The following MLLT10 variants were observed in gnomAD, a reference collection of about 807,000 sequenced individuals.
MLLT10 encodes the protein protein AF-10.
Under a neutral mutation model 129.1 loss-of-function variants are expected in MLLT10, and 30 were observed. The ratio of observed to expected loss-of-function variants is 0.23; its 90% confidence interval spans 0.17 to 0.32. MLLT10 has a LOEUF of 0.32. MLLT10 is among the 10% of genes least tolerant of loss of function. MLLT10 has a pLI of 1.00. For missense variants in MLLT10, 1,119 were observed against 1,268.3 expected, an observed-to-expected ratio of 0.88 and a Z score of 1.79; for synonymous variants, 490 against 446.4, an observed-to-expected ratio of 1.10 and a Z score of -1.23.
intron 4 of MLLT10, among the ~76,000 whole-genome samples, chr10:21,594,980 G>C (rs958305551): frequency 6.6e-6 from 1 of 151,914 alleles, no homozygotes; most frequent in Non-Finnish European, 1.5e-5. Flanking sequence ...AAATTTTGTC[G>C]TAAGTATTAA....
intron 10 of MLLT10, chr10:21,671,004 C>G (rs1478180184): frequency 3.9e-6 from 1 of 258,006 alleles, no homozygotes; most frequent in African/African-American, 2.3e-5. Context: ...AAAGCTGGAG[C>G]TTTGCTTTGA....
chr10:21,597,278 T>G lies in MLLT10; in HGVS notation c.405+1838T>G, dbSNP rs114501815. On this transcript the variant is annotated intron_variant, in intron 5 of 22. Transcript: ENST00000307729. Reference sequence around the variant, plus strand: ...AATTAACAGCGATACATTATTACTCTCTGATCTTTGGAACCCATTCATGTT... The same window carrying G: ...AATTAACAGCGATACATTATTACTCGCTGATCTTTGGAACCCATTCATGTT... Among the ~76,000 whole-genome samples, 648 of 152,368 alleles carry G rather than the reference T, an allele frequency of 4.3e-3. 6 individuals carry two copies. Among genetic ancestry groups the G allele is most frequent in the African/African-American group, 0.015 (607 of 41,594 alleles).
intron 3 of MLLT10, among the ~76,000 whole-genome samples, chr10:21,547,028 C>T (rs977432248): frequency 6.6e-6 from 1 of 151,908 alleles, no homozygotes; most frequent in African/African-American, 2.4e-5. Context: ...CGGCCCTAAT[C>T]CTGGCTAATT....
At chr10:21,724,616 T>A (rs952125200) in intron 14 of MLLT10, among the ~76,000 whole-genome samples, 1 of 152,270 alleles carries the variant, frequency 6.6e-6, no homozygotes, top group African/African-American at 2.4e-5. Flanking sequence ...AATTCTACTT[T>A]AACATTTGTG....
chr10:21,543,019 C>T (rs1476542600), intron 3 of MLLT10, among the ~76,000 whole-genome samples: 2 of 151,222 alleles, frequency 1.3e-5, no homozygotes, highest in Non-Finnish European at 2.9e-5. Context: ...AGTGCAATGG[C>T]GCGATCTCGG....
At chr10:21,622,279 T>C (rs1048343089) in intron 8 of MLLT10, among the ~76,000 whole-genome samples, 1 of 147,988 alleles carries the variant, frequency 6.8e-6, no homozygotes, top group African/African-American at 2.5e-5. Flanking sequence ...TCCCTCAGCC[T>C]CCTGAGTAGC....
intron 14 of MLLT10, among the ~76,000 whole-genome samples, chr10:21,725,035 A>G (rs2131554021): frequency 6.6e-6 from 1 of 152,354 alleles, no homozygotes; most frequent in East Asian, 1.9e-4. Context: ...CATACTTGGG[A>G]TGCCTGTTTG....
intron 3 of MLLT10, among the ~76,000 whole-genome samples, chr10:21,539,658 A>G (rs1379852669): frequency 3.3e-5 from 5 of 152,160 alleles, no homozygotes; most frequent in African/African-American, 1.2e-4. Flanking sequence ...AGTCCCAGCT[A>G]CTTAGGAGGC....
chr10:21,604,599 A>C (rs1031608168), intron 5 of MLLT10, among the ~76,000 whole-genome samples: 1 of 152,128 alleles, frequency 6.6e-6, no homozygotes, highest in Non-Finnish European at 1.5e-5. Flanking sequence ...AAAAAATAAT[A>C]ATAACTTCTA....
intron 13 of MLLT10, among the ~76,000 whole-genome samples, chr10:21,685,425 C>T (rs775308456): frequency 4.6e-5 from 7 of 152,178 alleles, no homozygotes; most frequent in Non-Finnish European, 8.8e-5. Context: ...ACCTCTGCCT[C>T]CTGAATTCAA....
At chr10:21,539,978 G>A (rs920802489) in intron 3 of MLLT10, among the ~76,000 whole-genome samples, 6 of 151,830 alleles carry the variant, frequency 4.0e-5, no homozygotes, top group Admixed American at 3.3e-4. Context: ...AGGTAGGCCG[G>A]GTGCAGTGAC....
At chr10:21,614,750 T>G (rs2045059479) in intron 6 of MLLT10, 81 bp from the exon 7 acceptor site, 2 of 1,054,366 alleles carry the variant, frequency 1.9e-6, no homozygotes, top group Non-Finnish European at 1.4e-6. Context: ...CATGAATGAT[T>G]GGAAGTAAAT....
intron 13 of MLLT10, among the ~76,000 whole-genome samples, chr10:21,705,529 C>G (rs528052012): frequency 6.6e-6 from 1 of 152,266 alleles, no homozygotes; most frequent in Non-Finnish European, 1.5e-5. Context: ...ATTGGTCACA[C>G]CGTTGCCCTG....
intron 3 of MLLT10, among the ~76,000 whole-genome samples, chr10:21,564,859 A>AGTGGAATGTTCTGTTGTTCT (rs755352711): frequency 1.8e-3 from 267 of 151,352 alleles, no homozygotes; most frequent in Non-Finnish European, 3.3e-3. Context: ...ACTCTTGGTG[A>AGTGGAATGTTCTGTTGTTCT]GTGGAATGTT....
intron 13 of MLLT10, among the ~76,000 whole-genome samples, chr10:21,703,506 G>C (rs899613940): frequency 2.1e-4 from 32 of 152,020 alleles, no homozygotes; most frequent in African/African-American, 6.8e-4. Context: ...GGATCTTAGA[G>C]CCTCCTCTAT....
At chr10:21,617,090 G>A (rs112521536) in intron 7 of MLLT10, 22 bp from the exon 8 acceptor site, 4 of 1,202,388 alleles carry the variant, frequency 3.3e-6, no homozygotes, top group Non-Finnish European at 4.6e-6. Context: ...ATACATATAT[G>A]TATATATATT....
In MLLT10 at chr10:21,595,422, G is replaced by A. The variant is rs778973076; in HGVS notation, c.387G>A (p.Pro129=). 4.3e-6 allele frequency: 7 copies of A among 1,610,470 alleles called. No homozygotes were observed. The highest frequency in any genetic ancestry group is 4.0e-5 in the African/African-American group (3 of 74,828). The change falls in exon 5 of 23, where the codon CCG becomes CCA. Residue 129 remains proline (P), a synonymous_variant. Transcript: ENST00000307729. ...AACCAATTGTTTTACAGTCTGTTCC[G>A]CATGATCGTTATAATAAGGTACAGT... ...TMEPIVLQSV[P]HDRYNKTCYI...
chr10:21,568,782 G>A (rs2039878069), intron 3 of MLLT10, among the ~76,000 whole-genome samples: 1 of 152,126 alleles, frequency 6.6e-6, no homozygotes, highest in South Asian at 2.1e-4. Context: ...GGTTACAGGA[G>A]CCTGCTACCA....
intron 9 of MLLT10, 125 bp from the exon 10 acceptor site, chr10:21,670,324 T>A (rs2051261778): frequency 2.3e-6 from 2 of 887,324 alleles, no homozygotes; most frequent in Admixed American, 3.6e-5. Context: ...GTGAACTGAC[T>A]TATTTTTAGA....
Sources: gnomAD v4.1 joint callset for allele counts (sites outside exome capture counted in the v4.1 genomes callset) on GRCh38, gnomAD v4.1.1 for gene constraint, MANE v1.5 for transcripts, NCBI Gene and HGNC (gene_info 2026-07-23, HGNC 2026-07-21) for gene names.